Variants in NHSL1 observed in about 807,000 individuals in gnomAD.
The protein encoded by NHSL1 is NHS like 1.
A neutral mutation model predicts 95.0 loss-of-function variants in NHSL1; 48 were observed. The ratio of observed to expected loss-of-function variants is 0.51; its 90% CI spans 0.40 to 0.64. The LOEUF is 0.64. NHSL1 is among the 30% of genes least tolerant of loss of function. The probability of loss-of-function intolerance (pLI) is 0.00; values close to 1 mark genes in which losing one functional copy is unlikely to be tolerated. For missense variants in NHSL1, 1,971 were observed against 2,077.7 expected (o/e 0.95, Z 1.00); for synonymous variants, 783 against 833.9 (o/e 0.94, Z 1.05).
At chr6:138,486,218 A>G (rs1486083685) in intron 2 of NHSL1, among the ~76,000 whole-genome samples, 2 of 152,102 alleles carry the variant, frequency 1.3e-5, no homozygotes, top group African/African-American at 4.8e-5. Context: ...AAAACATGTA[A>G]TAATATCAGC....
At chr6:138,441,164 T>C (rs952668460) in intron 5 of NHSL1, among the ~76,000 whole-genome samples, 1 of 152,184 alleles carries the variant, frequency 6.6e-6, no homozygotes, top group Non-Finnish European at 1.5e-5. Context: ...CGAAGTTAAC[T>C]GAGGTCACCC....
At chr6:138,575,912 T>C (rs945706566), upstream of NHSL1, among the ~76,000 whole-genome samples, 1 of 152,144 alleles carries the variant, frequency 6.6e-6, no homozygotes, top group African/African-American at 2.4e-5. Context: ...AAGCTTCCTG[T>C]ATATTATTGC....
In NHSL1 at chr6:138,437,436, ACACACAC is replaced by A. The variant is rs1409849494; in HGVS notation, c.665-3763_665-3757del. 7.6e-4 allele frequency among the ~76,000 whole-genome samples: 29 copies of A among 38,146 alleles called. 4 individuals carry two copies. Among genetic ancestry groups the A allele is most frequent in the African/African-American group, 1.5e-3 (14 of 9,244 alleles). 25.0% of individuals were successfully genotyped at this position (38,146 alleles called of 152,430 possible). On this transcript the variant is annotated intron_variant, in intron 5 of 7. Transcript: ENST00000343505. Reference sequence around the variant, plus strand: ...TATACACACACACACACACACACACACACACACACAAAAAAAAAAAAAAAAAATACAA... The same window carrying A: ...TATACACACACACACACACACACACAACAAAAAAAAAAAAAAAAAATACAA...
chr6:138,517,299 G>A (rs1214552688), intron 1 of NHSL1, among the ~76,000 whole-genome samples: 7 of 152,190 alleles, frequency 4.6e-5, no homozygotes, highest in African/African-American at 1.2e-4. Flanking sequence ...ATTATTGCCT[G>A]CATTGTCAGA....
intron 1 of NHSL1, among the ~76,000 whole-genome samples, chr6:138,519,765 TG>T (rs1299420440): frequency 6.6e-6 from 1 of 152,218 alleles, no homozygotes; most frequent in Admixed American, 6.5e-5. Flanking sequence ...AACACTTACA[TG>T]GGCAGTATTT....
At chr6:138,446,416 GT>G (rs1163211147) in intron 4 of NHSL1, among the ~76,000 whole-genome samples, 1 of 152,098 alleles carries the variant, frequency 6.6e-6, no homozygotes, top group African/African-American at 2.4e-5. Flanking sequence ...CACCTTAATT[GT>G]CACAAATGAT....
At chr6:138,437,840 G>A (rs1042686680) in intron 5 of NHSL1, among the ~76,000 whole-genome samples, 4 of 152,184 alleles carry the variant, frequency 2.6e-5, no homozygotes, top group Non-Finnish European at 2.9e-5. Context: ...AAACAGCAAG[G>A]AACTAGAGTT....
At chr6:138,468,659 T>C (rs779157255) in intron 3 of NHSL1, among the ~76,000 whole-genome samples, 1 of 152,024 alleles carries the variant, frequency 6.6e-6, no homozygotes, top group Non-Finnish European at 1.5e-5. Context: ...CATGAAAAAA[T>C]AGTCTTCCAT....
intron 1 of NHSL1, among the ~76,000 whole-genome samples, chr6:138,608,359 T>C (rs1026349201): frequency 2.7e-5 from 4 of 147,714 alleles, no homozygotes; most frequent in African/African-American, 5.0e-5. Context: ...CTGTAATTCA[T>C]ACATGAAGCA....
chr6:138,433,829 A>C, intron 5 of NHSL1, 149 bp from the exon 6 acceptor site: 1 of 1,177,748 alleles, frequency 8.5e-7, no homozygotes, highest in Non-Finnish European at 1.1e-6. Context: ...ACATTTAAAA[A>C]GTTACTGATA....
At chr6:138,460,623 A>G (rs1049460821) in intron 3 of NHSL1, among the ~76,000 whole-genome samples, 4 of 151,998 alleles carry the variant, frequency 2.6e-5, no homozygotes, top group African/African-American at 9.7e-5. Flanking sequence ...ATCATCTGAT[A>G]TAAGGGACTT....
At chr6:138,465,640 A>G (rs1444491608) in intron 3 of NHSL1, among the ~76,000 whole-genome samples, 1 of 152,190 alleles carries the variant, frequency 6.6e-6, no homozygotes, top group Non-Finnish European at 1.5e-5. Context: ...GGAGAGCTAT[A>G]AAATCCTTAA....
intron 1 of NHSL1, among the ~76,000 whole-genome samples, chr6:138,593,230 G>A (rs949155455): frequency 1.3e-5 from 2 of 152,220 alleles, no homozygotes; most frequent in Non-Finnish European, 2.9e-5. Flanking sequence ...CTGACACGGA[G>A]GCAGTCAGGA....
At chr6:138,559,090 C>T (rs1783314145) in intron 1 of NHSL1, among the ~76,000 whole-genome samples, 1 of 151,982 alleles carries the variant, frequency 6.6e-6, no homozygotes, top group Non-Finnish European at 1.5e-5. Flanking sequence ...CAAAACATTG[C>T]TTTTGTTTTC....
At chr6:138,458,586 T>C in intron 3 of NHSL1, among the ~76,000 whole-genome samples, 1 of 152,064 alleles carries the variant, frequency 6.6e-6, no homozygotes, top group Non-Finnish European at 1.5e-5. Context: ...CCCAGCACTT[T>C]GGGAGGCCAA....
At chr6:138,538,417 C>T (rs772489405) in intron 1 of NHSL1, among the ~76,000 whole-genome samples, 1 of 152,146 alleles carries the variant, frequency 6.6e-6, no homozygotes, top group Admixed American at 6.5e-5. Flanking sequence ...CTCTCAGTGT[C>T]TGGTATAACC....
In NHSL1 at chr6:138,433,657, C is replaced by T; in HGVS notation, c.688G>A (p.Ala230Thr). Residue 230 changes from alanine to threonine, a missense_variant, in exon 6 of 8, where the codon GCT becomes ACT. Ala to Thr is a moderately conservative substitution (Grantham distance 58). This residue lies in a region of NHSL1 where 1,602 missense variants were observed against 1,654.5 expected (regional missense o/e 0.97). Transcript: ENST00000343505. ...ELASGTGQDD[A>T]DGHSVYTPDH... The stretch of plus-strand genomic sequence containing the variant: ...GGGGTGTACACTGAGTGGCCATCAG[C>T]ATCATCTTGGCCAGTGCCTGATGCT... 6.5e-7 allele frequency: 1 copy of T among 1,543,750 alleles called. No individual in the cohort carries two copies. The highest frequency in any genetic ancestry group is 8.8e-7 in the Non-Finnish European group (1 of 1,140,648).
intron 3 of NHSL1, among the ~76,000 whole-genome samples, chr6:138,453,070 G>A (rs553189963): frequency 3.2e-4 from 49 of 152,024 alleles, no homozygotes; most frequent in African/African-American, 1.1e-3. Flanking sequence ...CGCCTCCCAG[G>A]TTCAAGCAAT....
intron 1 of NHSL1, among the ~76,000 whole-genome samples, chr6:138,544,444 A>G (rs1056024935): frequency 5.3e-5 from 8 of 152,018 alleles, no homozygotes; most frequent in African/African-American, 1.9e-4. Flanking sequence ...TTACCCCTTC[A>G]ATTTCACCAA....
Sources: allele counts gnomAD v4.1 joint callset (sites outside exome capture counted in the v4.1 genomes callset), GRCh38; gene constraint gnomAD v4.1.1; regional missense constraint gnomAD v4.1.1; transcripts MANE v1.5; gene names NCBI Gene and HGNC (gene_info 2026-07-23, HGNC 2026-07-21).